Variants in APP observed in about 807,000 individuals in gnomAD.
APP encodes amyloid-beta precursor protein.
APP carries 31 observed loss-of-function variants against 101.4 expected under a neutral mutation model. That is an observed-to-expected ratio of 0.31 (90% confidence interval 0.23 to 0.41). The LOEUF (loss-of-function observed/expected upper bound fraction) is 0.41. Among genes scored for constraint, APP ranks in the 10% least tolerant of loss-of-function variants. The pLI is 1.00. For synonymous variants in APP, 366 were observed against 364.4 expected, an observed-to-expected ratio of 1.00 and a Z score of -0.05; for missense variants, 839 against 1,003.7, an observed-to-expected ratio of 0.84 and a Z score of 2.22.
chr21:25,964,901 A>G (rs2041733190), intron 11 of APP, among the ~76,000 whole-genome samples: 1 of 152,156 alleles, frequency 6.6e-6, no homozygotes, highest in African/African-American at 2.4e-5. Flanking sequence ...CGCCTGGCTG[A>G]CCTTTTTACA....
chr21:25,973,942 T>TAAAAA (rs1568789777), intron 11 of APP, among the ~76,000 whole-genome samples: 36 of 73,648 alleles, frequency 4.9e-4, no homozygotes, highest in African/African-American at 4.2e-3. Context: ...TCCATCTCAT[T>TAAAAA]TAAAAAAAAA....
At chr21:25,906,699 A>G (rs2038808659) in intron 14 of APP, among the ~76,000 whole-genome samples, 2 of 152,110 alleles carry the variant, frequency 1.3e-5, no homozygotes, top group South Asian at 4.2e-4. Context: ...ACCTGTAATG[A>G]GTAACTGTAT....
At chr21:26,085,405 T>C (rs577656256) in intron 3 of APP, among the ~76,000 whole-genome samples, 1 of 152,258 alleles carries the variant, frequency 6.6e-6, no homozygotes, top group Admixed American at 6.5e-5. Context: ...TCACAGTGCA[T>C]GTATAGGTCC....
intron 13 of APP, among the ~76,000 whole-genome samples, chr21:25,945,109 C>T (rs2146448383): frequency 6.6e-6 from 1 of 152,258 alleles, no homozygotes; most frequent in East Asian, 1.9e-4. Flanking sequence ...TAAAAACAGA[C>T]AAAAACTACT....
chr21:26,077,260 CTG>C (rs1183338246), intron 3 of APP, among the ~76,000 whole-genome samples: 1 of 151,526 alleles, frequency 6.6e-6, no homozygotes, highest in Admixed American at 6.6e-5. Flanking sequence ...TCCCTAAACT[CTG>C]TGCTTAAATA....
intron 13 of APP, chr21:25,946,005 G>A (rs1052821125): frequency 2.8e-5 from 12 of 424,928 alleles, no homozygotes; most frequent in Non-Finnish European, 5.7e-5. Context: ...TCAACAAATG[G>A]TGCTGGGACA....
chr21:26,005,428 AT>A (rs1454486318), intron 6 of APP, among the ~76,000 whole-genome samples: 33 of 152,228 alleles, frequency 2.2e-4, no homozygotes, highest in African/African-American at 7.2e-4. Flanking sequence ...AAAGAAAAAA[AT>A]AATGATAATA....
chr21:26,136,724 A>G (rs2146294353), intron 1 of APP, among the ~76,000 whole-genome samples: 1 of 152,198 alleles, frequency 6.6e-6, no homozygotes, highest in East Asian at 1.9e-4. Flanking sequence ...TGGACCTAAA[A>G]CACAGGTTGG....
chr21:26,069,032 G>A (rs1356116566), intron 3 of APP, among the ~76,000 whole-genome samples: 1 of 152,162 alleles, frequency 6.6e-6, no homozygotes. Context: ...TCTTTCCTAT[G>A]TGGAAGCAAG....
Position 26,093,218 on chromosome 21 carries a change from G to A in APP, c.226-3146C>T, listed in dbSNP as rs73340764. On this transcript the variant is annotated intron_variant, in intron 2 of 17. Coordinates refer to ENST00000346798, the MANE Select transcript of APP (RefSeq NM_000484.4). ...TGTACAGGAATATAATTCTCCCACC[G>A]TCTTTACTTGTTTATTAGATCACAA... 9.7e-3 allele frequency among the ~76,000 whole-genome samples: 1,479 copies of A among 152,116 alleles called. 20 individuals carry two copies. The highest frequency in any genetic ancestry group is 0.033 in the African/African-American group (1,360 of 41,494).
rs539266643 is a variant in APP, at chr21:26,013,647, AT to A, written c.865+8192del. Among the ~76,000 whole-genome samples, 20 of 151,078 alleles carry A rather than the reference AT, an allele frequency of 1.3e-4. 2 individuals are homozygous for A. The South Asian group carries it at 1.9e-3, about 14-fold the overall frequency. The stretch of plus-strand genomic sequence containing the variant: ...TTTCACTGATTACTTCTGCTATTCT[AT>A]TTTTTTTTAATTGGTAAAGCCAGGT... On this transcript the variant is annotated intron_variant, in intron 6 of 17. Transcript: ENST00000346798.
chr21:26,100,959 A>C (rs2062041518), intron 2 of APP, among the ~76,000 whole-genome samples: 1 of 152,176 alleles, frequency 6.6e-6, no homozygotes, highest in Admixed American at 6.5e-5. Flanking sequence ...CCTGCCCTGC[A>C]GTGTAAGTTA....
At chr21:26,163,154 T>A (rs551050937) in intron 1 of APP, among the ~76,000 whole-genome samples, 1 of 143,694 alleles carries the variant, frequency 7.0e-6, no homozygotes, top group African/African-American at 2.6e-5. Flanking sequence ...GGCATGAGAA[T>A]TGCTTGAACC....
intron 15 of APP, among the ~76,000 whole-genome samples, chr21:25,902,511 C>A (rs899186235): frequency 1.4e-5 from 2 of 146,424 alleles, no homozygotes; most frequent in African/African-American, 4.9e-5. Flanking sequence ...TCTGAGCATT[C>A]TTTCTCAACT....
intron 1 of APP, among the ~76,000 whole-genome samples, chr21:26,131,470 C>G (rs761933219): frequency 6.6e-6 from 1 of 152,078 alleles, no homozygotes; most frequent in Non-Finnish European, 1.5e-5. Context: ...TTTGTTGGCT[C>G]TTTTTACTAA....
At chr21:26,114,834 AT>A (rs1321257753) in intron 1 of APP, among the ~76,000 whole-genome samples, 3 of 151,976 alleles carry the variant, frequency 2.0e-5, no homozygotes, top group Non-Finnish European at 4.4e-5. Context: ...AAAAGTGGTA[AT>A]TTTTTAAACA....
intron 8 of APP, among the ~76,000 whole-genome samples, chr21:25,994,142 T>A (rs947490855): frequency 1.3e-5 from 2 of 152,170 alleles, no homozygotes; most frequent in African/African-American, 4.8e-5. Flanking sequence ...GAAAAAATGG[T>A]CACACTCTCA....
intron 3 of APP, among the ~76,000 whole-genome samples, chr21:26,060,319 G>A (rs1306963433): frequency 6.6e-5 from 10 of 152,138 alleles, no homozygotes; most frequent in Admixed American, 5.9e-4. Context: ...TCAACACAGC[G>A]GGGTGGAGTC....
At chr21:26,019,852 G>T (rs571367450) in intron 6 of APP, among the ~76,000 whole-genome samples, 1 of 152,334 alleles carries the variant, frequency 6.6e-6, no homozygotes, top group Admixed American at 6.5e-5. Context: ...CATTTGACCA[G>T]ATCTGCCATA....
Sources: allele counts gnomAD v4.1 joint callset (sites outside exome capture counted in the v4.1 genomes callset), GRCh38; gene constraint gnomAD v4.1.1; transcripts MANE v1.5; gene names NCBI Gene and HGNC (gene_info 2026-07-23, HGNC 2026-07-21).